Variants in CREB3L2 observed in about 807,000 individuals in gnomAD.
CREB3L2 encodes cAMP responsive element binding protein 3 like 2.
In CREB3L2, 23 loss-of-function variants were observed where a neutral mutation model predicts 57.2. The ratio of observed to expected loss-of-function variants is 0.40; its 90% CI spans 0.29 to 0.57. The LOEUF (loss-of-function observed/expected upper bound fraction) is 0.57, where lower values mean the gene tolerates loss of function less well. Among genes scored for constraint, CREB3L2 ranks in the 20% least tolerant of loss-of-function variants. CREB3L2 has a pLI of 0.42. For synonymous variants in CREB3L2, 268 were observed against 265.1 expected, an observed-to-expected ratio of 1.01 and a Z score of -0.11; for missense variants, 628 against 634.7, an observed-to-expected ratio of 0.99 and a Z score of 0.11.
chr7:137,968,564 T>C (rs529090873), intron 1 of CREB3L2, among the ~76,000 whole-genome samples: 2 of 152,340 alleles, frequency 1.3e-5, no homozygotes, highest in South Asian at 4.1e-4. Flanking sequence ...GGCTGCATAG[T>C]ATTCCATGGT....
At chr7:137,972,233 G>A (rs1175887998) in intron 1 of CREB3L2, among the ~76,000 whole-genome samples, 2 of 152,068 alleles carry the variant, frequency 1.3e-5, no homozygotes, top group Admixed American at 1.3e-4. Flanking sequence ...AATGTCAGGA[G>A]TTCGAGACCA....
At chr7:137,885,280 A>G (rs1799390169) in intron 9 of CREB3L2, 123 bp downstream of exon 9, 2 of 1,163,124 alleles carry the variant, frequency 1.7e-6, no homozygotes, top group Non-Finnish European at 2.5e-6. Flanking sequence ...GAACAGCCTC[A>G]GAGTGGAGTT....
chr7:137,881,412 A>G (rs183611780), intron 11 of CREB3L2, among the ~76,000 whole-genome samples: 42 of 152,358 alleles, frequency 2.8e-4, no homozygotes, highest in Non-Finnish European at 4.3e-4. Flanking sequence ...TTAACTGTTA[A>G]GTATAATGCA....
At chr7:137,936,872 G>A (rs908968267) in intron 1 of CREB3L2, among the ~76,000 whole-genome samples, 1 of 152,172 alleles carries the variant, frequency 6.6e-6, no homozygotes, top group African/African-American at 2.4e-5. Flanking sequence ...GAGCTACGAA[G>A]GTTTTTCAAC....
intron 1 of CREB3L2, among the ~76,000 whole-genome samples, chr7:137,940,697 T>C (rs1800867930): frequency 6.6e-6 from 1 of 152,172 alleles, no homozygotes; most frequent in African/African-American, 2.4e-5. Flanking sequence ...CAAGATCTAA[T>C]GCCAAAAACA....
At chr7:137,895,892 T>C (rs1243633590) in intron 8 of CREB3L2, among the ~76,000 whole-genome samples, 1 of 152,204 alleles carries the variant, frequency 6.6e-6, no homozygotes, top group Admixed American at 6.5e-5. Flanking sequence ...TCCTCTTCAC[T>C]TATCAAAGTT....
chr7:137,938,846 A>G, intron 1 of CREB3L2, among the ~76,000 whole-genome samples: 1 of 152,156 alleles, frequency 6.6e-6, no homozygotes, highest in East Asian at 1.9e-4. Flanking sequence ...TTAGAATTTG[A>G]TGTGGAAAAA....
intron 8 of CREB3L2, among the ~76,000 whole-genome samples, chr7:137,892,864 G>T (rs888361219): frequency 9.9e-5 from 15 of 151,810 alleles, no homozygotes; most frequent in Non-Finnish European, 5.9e-5. Flanking sequence ...GAGGTGGCGG[G>T]ATACAATGTT....
intron 4 of CREB3L2, among the ~76,000 whole-genome samples, chr7:137,911,931 G>A (rs747741091): frequency 1.1e-4 from 16 of 152,274 alleles, no homozygotes; most frequent in East Asian, 7.7e-4. Flanking sequence ...GATGTATGCC[G>A]GAGAATCTGC....
intron 1 of CREB3L2, among the ~76,000 whole-genome samples, chr7:137,954,166 G>C (rs575761247): frequency 6.6e-6 from 1 of 152,146 alleles, no homozygotes; most frequent in Admixed American, 6.5e-5. Context: ...TACGCATGAG[G>C]GATAACTAAA....
intron 1 of CREB3L2, among the ~76,000 whole-genome samples, chr7:137,947,643 G>T (rs1194419562): frequency 2.0e-5 from 3 of 152,180 alleles, no homozygotes; most frequent in African/African-American, 4.8e-5. Flanking sequence ...CAGGTTAGTT[G>T]TTCTGCCCTG....
intron 2 of CREB3L2, among the ~76,000 whole-genome samples, chr7:137,922,384 GTATATATATATATATATATATA>G (rs1175503933): frequency 1.5e-4 from 3 of 19,598 alleles, no homozygotes; most frequent in African/African-American, 4.8e-4. Flanking sequence ...ATATATATAT[GTATATATATATATATATATATA>G]TATATATATG....
At chr7:137,942,992 T>A (rs1800902318) in intron 1 of CREB3L2, among the ~76,000 whole-genome samples, 1 of 152,194 alleles carries the variant, frequency 6.6e-6, no homozygotes, top group South Asian at 2.1e-4. Context: ...ACAGCTTCAT[T>A]AAGAAGTAAG....
intron 1 of CREB3L2, among the ~76,000 whole-genome samples, chr7:137,989,500 C>T (rs1801850891): frequency 6.9e-6 from 1 of 144,668 alleles, no homozygotes; most frequent in Non-Finnish European, 1.5e-5. Flanking sequence ...CTGGCCAATC[C>T]TTCTGGTGCC....
At chr7:137,901,756 G>A (rs1370569376) in intron 7 of CREB3L2, among the ~76,000 whole-genome samples, 6 of 151,026 alleles carry the variant, frequency 4.0e-5, no homozygotes, top group Admixed American at 1.3e-4. Flanking sequence ...GCACGTGCCT[G>A]TAATCCCAGC....
At chr7:137,919,711 C>A (rs1800228460) in intron 2 of CREB3L2, among the ~76,000 whole-genome samples, 1 of 152,134 alleles carries the variant, frequency 6.6e-6, no homozygotes, top group Admixed American at 6.5e-5. Context: ...TGCATCCATA[C>A]AATGGAATAT....
intron 3 of CREB3L2, among the ~76,000 whole-genome samples, chr7:137,914,415 T>C (rs1800082276): frequency 6.6e-6 from 1 of 152,072 alleles, no homozygotes; most frequent in Admixed American, 6.5e-5. Flanking sequence ...GCGGGTCACT[T>C]GAGGTCAGGA....
intron 1 of CREB3L2, chr7:137,953,519 G>A (rs905932078): frequency 2.1e-5 from 27 of 1,289,014 alleles, no homozygotes; most frequent in Non-Finnish European, 2.6e-5. Context: ...CTCCTGAAAG[G>A]GAAAGGTATG....
Position 137,922,418 on chromosome 7 carries a change from A to ACG in CREB3L2, c.319+5731_319+5732insCG, listed in dbSNP as rs1179807219. Reference sequence around the variant, plus strand: ...TATATATATATATATATATATATGTATATATATATATATATATACGTATAT... The same window carrying ACG: ...TATATATATATATATATATATATGTACGTATATATATATATATATACGTATAT... On this transcript the variant is annotated intron_variant, in intron 2 of 11. Transcript: ENST00000330387. Among the ~76,000 whole-genome samples, 39 of 37,698 alleles carry ACG rather than the reference A, an allele frequency of 1.0e-3. 2 individuals are homozygous for ACG. The highest frequency in any genetic ancestry group is 7.8e-3 in the African/African-American group (38 of 4,890). The allele number at this position is 37,698 out of a possible 152,430, so 24.7% of individuals were successfully genotyped here.
Sources: gnomAD v4.1 joint callset for allele counts (sites outside exome capture counted in the v4.1 genomes callset) on GRCh38, gnomAD v4.1.1 for gene constraint, MANE v1.5 for transcripts, NCBI Gene and HGNC (gene_info 2026-07-23, HGNC 2026-07-21) for gene names.